RGL1: variants seen among roughly 807,000 people sequenced by gnomAD.
RGL1 encodes the protein ral guanine nucleotide dissociation stimulator-like 1.
A neutral mutation model predicts 95.2 loss-of-function variants in RGL1; 24 were observed. The observed-to-expected ratio is 0.25, with a 90% CI of 0.18 to 0.35. RGL1 has a LOEUF of 0.35. Among genes scored for constraint, RGL1 ranks in the 10% least tolerant of loss-of-function variants. RGL1 has a pLI of 1.00. For missense variants in RGL1, 715 were observed against 936.3 expected (o/e 0.76, Z 3.08); for synonymous variants, 329 against 344.9 (o/e 0.95, Z 0.51).
At chr1:183,785,491 C>T (rs570471151) in intron 2 of RGL1, among the ~76,000 whole-genome samples, 138 of 152,222 alleles carry the variant, frequency 9.1e-4, no homozygotes, top group African/African-American at 3.1e-3. Flanking sequence ...TAGCATTTCT[C>T]GCATTATTTT....
chr1:183,639,172 T>C (rs1649745137), intron 1 of RGL1, among the ~76,000 whole-genome samples: 1 of 151,844 alleles, frequency 6.6e-6, no homozygotes, highest in Non-Finnish European at 1.5e-5. Context: ...TCCCAGTTAC[T>C]TGGGAGGGTG....
intron 2 of RGL1, among the ~76,000 whole-genome samples, chr1:183,785,391 G>A (rs1660106569): frequency 6.6e-6 from 1 of 152,114 alleles, no homozygotes; most frequent in South Asian, 2.1e-4. Context: ...CTCCTATTAA[G>A]GTCTCAGCTG....
intron 2 of RGL1, among the ~76,000 whole-genome samples, chr1:183,761,540 C>G (rs77875730): frequency 5.3e-5 from 8 of 152,098 alleles, no homozygotes; most frequent in Non-Finnish European, 8.8e-5. Flanking sequence ...CTTTATTGCT[C>G]CATTTATAGA....
At chr1:183,913,018 A>G (rs1015805648) in intron 15 of RGL1, among the ~76,000 whole-genome samples, 1 of 152,172 alleles carries the variant, frequency 6.6e-6, no homozygotes, top group African/African-American at 2.4e-5. Flanking sequence ...GCAGGGGAAG[A>G]TGAGGGATTG....
intron 2 of RGL1, among the ~76,000 whole-genome samples, chr1:183,786,692 A>G (rs1660196810): frequency 6.6e-6 from 1 of 152,250 alleles, no homozygotes; most frequent in Admixed American, 6.5e-5. Context: ...TATTAAAAAT[A>G]GCAATGATGT....
intron 14 of RGL1, among the ~76,000 whole-genome samples, chr1:183,911,214 A>G (rs1354784856): frequency 6.6e-6 from 1 of 152,116 alleles, no homozygotes; most frequent in Non-Finnish European, 1.5e-5. Flanking sequence ...TAAATAGCAA[A>G]TTGGAGTGAG....
intron 4 of RGL1, among the ~76,000 whole-genome samples, chr1:183,877,156 C>T (rs1666541926): frequency 6.6e-6 from 1 of 152,148 alleles, no homozygotes; most frequent in African/African-American, 2.4e-5. Flanking sequence ...CTCCAGGTCT[C>T]CAAGCGTCCT....
intron 2 of RGL1, among the ~76,000 whole-genome samples, chr1:183,822,244 C>A (rs1022394782): frequency 1.3e-5 from 2 of 151,936 alleles, no homozygotes; most frequent in African/African-American, 2.4e-5. Flanking sequence ...GAAATGTAAA[C>A]CATGTGACTA....
chr1:183,823,081 T>A (rs1170043130), intron 2 of RGL1, among the ~76,000 whole-genome samples: 1 of 149,726 alleles, frequency 6.7e-6, no homozygotes, highest in Non-Finnish European at 1.5e-5. Flanking sequence ...TTTGTACTTC[T>A]TTTTTTTAAC....
chr1:183,728,028 G>A (rs1053132757), intron 1 of RGL1, among the ~76,000 whole-genome samples: 1 of 152,014 alleles, frequency 6.6e-6, no homozygotes, highest in African/African-American at 2.4e-5. Context: ...AGTGTATATG[G>A]GCCTCATCTA....
In RGL1 at chr1:183,867,526, G is replaced by A. The variant is rs911093078; in HGVS notation, c.425+1453G>A. On this transcript the variant is annotated intron_variant, in intron 4 of 17. Coordinates refer to ENST00000360851, the MANE Select transcript of RGL1 (RefSeq NM_001297671.3). ...GTGCAGTTTGGTGGATGGAAAGGTGGGCAAGAGAGAATGAAGGGGATGAAG... is the reference window on the plus strand; with the variant it reads ...GTGCAGTTTGGTGGATGGAAAGGTGAGCAAGAGAGAATGAAGGGGATGAAG... Among the ~76,000 whole-genome samples, 5 of 152,168 alleles carry A rather than the reference G, an allele frequency of 3.3e-5. No individual in the cohort carries two copies. The East Asian group carries it at 9.6e-4, about 29-fold the overall frequency.
chr1:183,859,450 A>G (rs969112116), intron 3 of RGL1, among the ~76,000 whole-genome samples: 13 of 152,172 alleles, frequency 8.5e-5, no homozygotes, highest in African/African-American at 3.1e-4. Flanking sequence ...GGCTGGAAAG[A>G]AAGGTTATTC....
intron 1 of RGL1, among the ~76,000 whole-genome samples, chr1:183,671,024 A>C (rs1451767431): frequency 6.6e-6 from 1 of 152,178 alleles, no homozygotes; most frequent in Non-Finnish European, 1.5e-5. Context: ...TGATTATGGC[A>C]GAAGAGGAAG....
At chr1:183,915,903 G>A (rs949324825) in intron 15 of RGL1, among the ~76,000 whole-genome samples, 4 of 152,188 alleles carry the variant, frequency 2.6e-5, no homozygotes, top group Non-Finnish European at 5.9e-5. Context: ...TTCTCCCTGG[G>A]TCTCAGGTTC....
At chr1:183,647,501 T>G in intron 1 of RGL1, 1 of 1,019,626 alleles carries the variant, frequency 9.8e-7, no homozygotes. Context: ...CATTTTGGAT[T>G]ATGTTTAAAA....
chr1:183,781,868 A>T (rs1659921686), intron 2 of RGL1, among the ~76,000 whole-genome samples: 1 of 152,250 alleles, frequency 6.6e-6, no homozygotes, highest in Non-Finnish European at 1.5e-5. Context: ...ACCACAACAA[A>T]CTGTGCTCTA....
intron 2 of RGL1, among the ~76,000 whole-genome samples, chr1:183,838,445 A>G (rs1158364556): frequency 6.6e-6 from 1 of 152,200 alleles, no homozygotes; most frequent in African/African-American, 2.4e-5. Context: ...AGCTCCCTTT[A>G]CATCTTCCTG....
At position 183,900,200 on chromosome 1, in the gene RGL1, G is replaced by A; in HGVS notation, c.1281G>A (p.Leu427=). Residue 427 remains leucine, a synonymous_variant, in exon 11 of 18, where the codon CTG becomes CTA. Coordinates refer to ENST00000360851, the MANE Select transcript of RGL1 (RefSeq NM_001297671.3). ...VPYLGTFLTD[L]TMLDTALQDY... is the part of the protein sequence containing the mutation. ...ACCTGGGCACCTTCCTGACTGACCT[G>A]ACCATGCTTGACACTGCCCTTCAGG... 1 of 1,613,936 alleles carries A rather than the reference G, an allele frequency of 6.2e-7. No homozygotes were observed.
At chr1:183,820,615 A>T (rs1662410234) in intron 2 of RGL1, among the ~76,000 whole-genome samples, 1 of 152,138 alleles carries the variant, frequency 6.6e-6, no homozygotes, top group South Asian at 2.1e-4. Flanking sequence ...AGAACTCTCT[A>T]GGCCTGTGCT....
Sources: allele counts gnomAD v4.1 joint callset (sites outside exome capture counted in the v4.1 genomes callset), GRCh38; gene constraint gnomAD v4.1.1; transcripts MANE v1.5; gene names NCBI Gene and HGNC (gene_info 2026-07-23, HGNC 2026-07-21).